PHEX: variants seen among roughly 807,000 people sequenced by gnomAD.
PHEX encodes the protein phosphate-regulating neutral endopeptidase PHEX.
In PHEX, 16 loss-of-function variants were observed where a neutral mutation model predicts 68.0. The observed-to-expected ratio is 0.24, with a 90% CI of 0.16 to 0.36. PHEX has a LOEUF of 0.36. PHEX is among the 10% of genes least tolerant of loss of function. The pLI, the probability that PHEX is intolerant of heterozygous loss-of-function variation, is 1.00. For synonymous variants in PHEX, 208 were observed against 205.1 expected (o/e 1.01, Z -0.12); for missense variants, 480 against 575.5 (o/e 0.83, Z 1.70).
At chrX:22,182,592 TTGTGTGTGTGTGTG>T (rs9331474) in intron 14 of PHEX, among the ~76,000 whole-genome samples, 1 of 102,983 alleles carries the variant, frequency 9.7e-6, no homozygotes, top group African/African-American at 3.6e-5. Context: ...TGAAGATGCT[TTGTGTGTGTGTGTG>T]TGTGTGTGTG....
chrX:22,093,464 CTG>C (rs1302111783), intron 6 of PHEX, among the ~76,000 whole-genome samples: 6 of 111,919 alleles, frequency 5.4e-5, no homozygotes, highest in Non-Finnish European at 7.5e-5. Context: ...TTTGTGAAAA[CTG>C]TAAAAACCTG....
chrX:22,046,134 A>T lies in PHEX; in HGVS notation c.188-916A>T, dbSNP rs113514264. 9.3e-3 allele frequency among the ~76,000 whole-genome samples: 1,044 copies of T among 111,823 alleles called. 13 individuals are homozygous for T. Among genetic ancestry groups the T allele is most frequent in the African/African-American group, 0.031 (968 of 30,749 alleles). The stretch of plus-strand genomic sequence containing the variant: ...GGGCGCCTGGACTGGAAGGCGAATG[A>T]TGGCCTCAGTCAATGCCTGGCAGTT... On this transcript the variant is annotated intron_variant, in intron 2 of 21. Transcript: ENST00000379374.
chrX:22,109,171 A>G (rs1930842484), intron 9 of PHEX, among the ~76,000 whole-genome samples: 2 of 111,668 alleles, frequency 1.8e-5, no homozygotes, highest in South Asian at 7.5e-4. Context: ...TAGCCAGATG[A>G]CAAAAGAAAT....
At chrX:22,111,223 C>T in intron 9 of PHEX, among the ~76,000 whole-genome samples, 1 of 112,380 alleles carries the variant, frequency 8.9e-6, no homozygotes, top group South Asian at 3.7e-4. Flanking sequence ...AATGTTCACT[C>T]TGAGGGCTGG....
chrX:22,057,184 T>C (rs1165653593), intron 3 of PHEX, among the ~76,000 whole-genome samples: 1 of 112,201 alleles, frequency 8.9e-6, no homozygotes, highest in East Asian at 2.8e-4. Flanking sequence ...GTATGTGGTT[T>C]GGGTAATATT....
intron 12 of PHEX, among the ~76,000 whole-genome samples, chrX:22,137,091 T>C (rs911562575): frequency 9.0e-6 from 1 of 111,545 alleles, no homozygotes; most frequent in Admixed American, 9.5e-5. Context: ...TTTAGGGGTG[T>C]CTTCTGGAGG....
rs1340387773 is a variant in PHEX at position 22,248,348 on chromosome X, T to G, written c.*395T>G. The G allele has an allele frequency of 5.5e-6, 1 of 182,745 alleles. No individual in the cohort carries two copies. The highest frequency in any genetic ancestry group is 1.0e-5 in the Non-Finnish European group (1 of 98,026). 15.1% of individuals were successfully genotyped at this position (182,745 alleles called of 1,213,427 possible). A position where few individuals can be genotyped will look rare whatever the true frequency, so the allele number is the denominator to read the frequency against. On this transcript the variant is annotated 3_prime_UTR_variant, in exon 22 of 22. Transcript: ENST00000379374. ...CCTTTAAAAGTTCAATCTATTAAAC[T>G]TGTAGCCTCTCAATGATGAAGACAT... is the stretch of plus-strand genomic sequence containing the variant.
intron 6 of PHEX, among the ~76,000 whole-genome samples, chrX:22,093,577 G>C (rs1355332154): frequency 8.9e-6 from 1 of 111,836 alleles, no homozygotes; most frequent in Non-Finnish European, 1.9e-5. Flanking sequence ...CATTCTTTAT[G>C]GATCAGGCCT....
At chrX:22,143,709 C>T (rs998547416) in intron 12 of PHEX, among the ~76,000 whole-genome samples, 1 of 112,264 alleles carries the variant, frequency 8.9e-6, no homozygotes, top group Non-Finnish European at 1.9e-5. Context: ...CTTATGTTTT[C>T]GAGACTCATC....
chrX:22,134,083 G>C (rs1341165288), intron 12 of PHEX, among the ~76,000 whole-genome samples: 1 of 111,833 alleles, frequency 8.9e-6, no homozygotes, highest in African/African-American at 3.3e-5. Flanking sequence ...ATCCTTTCCT[G>C]TAACCAAGCA....
chrX:22,055,210 A>AAAAAAAAAAAAAAAC, intron 3 of PHEX, among the ~76,000 whole-genome samples: 1 of 74,318 alleles, frequency 1.3e-5, no homozygotes, highest in Non-Finnish European at 2.5e-5. Flanking sequence ...AAAAAAAAAA[A>AAAAAAAAAAAAAAAC]AAAAACAGAC....
intron 15 of PHEX, among the ~76,000 whole-genome samples, chrX:22,196,739 T>C (rs1342401956): frequency 4.4e-5 from 5 of 112,472 alleles, no homozygotes; most frequent in Admixed American, 9.4e-5. Flanking sequence ...AAAACAAGCA[T>C]GGCCTAAGGG....
intron 3 of PHEX, among the ~76,000 whole-genome samples, chrX:22,058,580 T>C (rs1418245909): frequency 1.8e-5 from 2 of 112,182 alleles, no homozygotes; most frequent in Non-Finnish European, 3.8e-5. Flanking sequence ...AGGACATTTG[T>C]ACGTATTCCC....
At chrX:22,186,418 C>T (rs1307549505) in intron 14 of PHEX, among the ~76,000 whole-genome samples, 1 of 112,382 alleles carries the variant, frequency 8.9e-6, no homozygotes, top group Non-Finnish European at 1.9e-5. Flanking sequence ...GATTCCATCT[C>T]TTAATGGGAG....
chrX:22,196,963 C>A (rs771003019), intron 15 of PHEX, among the ~76,000 whole-genome samples: 1 of 112,188 alleles, frequency 8.9e-6, no homozygotes, highest in East Asian at 2.8e-4. Flanking sequence ...ATTTCTCATA[C>A]TTCACTGGCT....
intron 2 of PHEX, among the ~76,000 whole-genome samples, chrX:22,040,884 G>A (rs1487022911): frequency 4.7e-5 from 5 of 105,732 alleles, no homozygotes; most frequent in Non-Finnish European, 7.9e-5. Context: ...TCAGTTAGAG[G>A]GAGTCTTTCT....
chrX:22,147,164 TATCCAA>T (rs932142480), intron 12 of PHEX, among the ~76,000 whole-genome samples: 17 of 112,114 alleles, frequency 1.5e-4, no homozygotes, highest in African/African-American at 4.8e-4. Flanking sequence ...TTTTTTTTGT[TATCCAA>T]ATCCAAATCC....
At chrX:22,072,221 C>T (rs1462262236) in intron 3 of PHEX, among the ~76,000 whole-genome samples, 7 of 110,313 alleles carry the variant, frequency 6.3e-5, no homozygotes, top group African/African-American at 2.3e-4. Flanking sequence ...AGCGAGACTC[C>T]ATCTCAAAAC....
chrX:22,055,785 T>G (rs1928075248), intron 3 of PHEX, among the ~76,000 whole-genome samples: 1 of 111,959 alleles, frequency 8.9e-6, no homozygotes, highest in Non-Finnish European at 1.9e-5. Context: ...GGTCTTAAAC[T>G]CCGATCTCAG....
Sources: gnomAD v4.1 joint callset for allele counts (sites outside exome capture counted in the v4.1 genomes callset) on GRCh38, gnomAD v4.1.1 for gene constraint, MANE v1.5 for transcripts, NCBI Gene and HGNC (gene_info 2026-07-23, HGNC 2026-07-21) for gene names.